Variants in KIAA1549L observed in about 807,000 individuals in gnomAD.
KIAA1549L encodes KIAA1549 like, also known as UPF0606 protein KIAA1549L.
In KIAA1549L, 88 loss-of-function variants were observed where a neutral mutation model predicts 160.7. The observed-to-expected ratio is 0.55, with a 90% CI of 0.46 to 0.65. The LOEUF (loss-of-function observed/expected upper bound fraction) is 0.65, where lower values mean the gene tolerates loss of function less well. Among genes scored for constraint, KIAA1549L ranks in the 30% least tolerant of loss-of-function variants. KIAA1549L has a pLI of 0.00. For synonymous variants in KIAA1549L, 950 were observed against 976.7 expected (o/e 0.97, Z 0.51); for missense variants, 2,258 against 2,437.5 (o/e 0.93, Z 1.55).
rs1265740626 is a variant in KIAA1549L, at chr11:33,668,991, C to T, written c.*837C>T. Reference sequence around the variant, plus strand: ...TTCTTTGCCTTGTTTTGAAGGTGGCCTGAGAATGGAGCTTCTCTTTTTCTT... The same window carrying T: ...TTCTTTGCCTTGTTTTGAAGGTGGCTTGAGAATGGAGCTTCTCTTTTTCTT... On this transcript the variant is annotated 3_prime_UTR_variant, in exon 21 of 21. Transcript: ENST00000658780. The T allele has an allele frequency of 4.6e-5, 7 of 152,152 alleles. No individual in the cohort carries two copies. In the East Asian group the frequency reaches 1.3e-3, roughly 29 times the overall value. The allele number at this position is 152,152 out of a possible 1,614,324, so 9.4% of individuals were successfully genotyped here.
In KIAA1549L at chr11:33,656,065, C is replaced by A. The variant is rs761464713; in HGVS notation, c.5814C>A (p.Pro1938=). ...TGGTCATGGGCTCACCGCCTCCACC[C>A]GTACCTCCCCGGACTGGTCCTGTGG... ...PEMVMGSPPP[P]VPPRTGPVAV... The change falls in exon 18 of 21, where the codon CCC becomes CCA. Residue 1938 remains proline (P), a synonymous_variant. Transcript: ENST00000658780. 2.5e-6 allele frequency: 4 copies of A among 1,613,900 alleles called. No homozygotes were observed. Among genetic ancestry groups the A allele is most frequent in the Non-Finnish European group, 3.4e-6 (4 of 1,179,810 alleles).
chr11:33,453,938 A>T (rs546405561), intron 1 of KIAA1549L, among the ~76,000 whole-genome samples: 1 of 152,340 alleles, frequency 6.6e-6, no homozygotes, highest in South Asian at 2.1e-4. Context: ...TACAAATAAG[A>T]ATAAGCATAT....
intron 8 of KIAA1549L, among the ~76,000 whole-genome samples, chr11:33,564,384 A>T (rs1002606701): frequency 6.6e-6 from 1 of 152,208 alleles, no homozygotes; most frequent in Admixed American, 6.5e-5. Flanking sequence ...TAAAAGCCTG[A>T]CATGTTTTCA....
At chr11:33,404,115 T>C (rs1850595621) in intron 1 of KIAA1549L, among the ~76,000 whole-genome samples, 1 of 152,194 alleles carries the variant, frequency 6.6e-6, no homozygotes, top group African/African-American at 2.4e-5. Flanking sequence ...GAAGTTAATA[T>C]TTGCAGAATC....
At chr11:33,407,661 A>G (rs1459692099) in intron 1 of KIAA1549L, among the ~76,000 whole-genome samples, 1 of 152,002 alleles carries the variant, frequency 6.6e-6, no homozygotes, top group Non-Finnish European at 1.5e-5. Context: ...AATCCTTTTA[A>G]TTCCTTCAAA....
chr11:33,412,102 G>T (rs1271042688), intron 1 of KIAA1549L, among the ~76,000 whole-genome samples: 2 of 152,178 alleles, frequency 1.3e-5, no homozygotes, highest in Non-Finnish European at 2.9e-5. Flanking sequence ...AGTGTTTAAA[G>T]GTCAGAGTAG....
intron 6 of KIAA1549L, among the ~76,000 whole-genome samples, chr11:33,555,337 G>A (rs11032294): frequency 0.27 from 40,761 of 151,988 alleles, 5,844 homozygotes; most frequent in Middle Eastern, 0.44. Context: ...AATCTCAAGG[G>A]GCTTTGAGTA....
chr11:33,541,094 C>A (rs1180487973), intron 1 of KIAA1549L, among the ~76,000 whole-genome samples: 1 of 152,224 alleles, frequency 6.6e-6, no homozygotes, highest in Non-Finnish European at 1.5e-5. Flanking sequence ...AGGTCACCAG[C>A]TTATGCCCTG....
intron 1 of KIAA1549L, among the ~76,000 whole-genome samples, chr11:33,540,608 G>A (rs934007881): frequency 6.6e-6 from 1 of 152,220 alleles, no homozygotes; most frequent in Non-Finnish European, 1.5e-5. Flanking sequence ...TGGTAACATA[G>A]AAACACAATT....
intron 1 of KIAA1549L, among the ~76,000 whole-genome samples, chr11:33,451,268 T>G (rs1851715196): frequency 6.6e-6 from 1 of 152,172 alleles, no homozygotes; most frequent in Admixed American, 6.5e-5. Context: ...CCTGGGTGAA[T>G]TTATTGTCCT....
chr11:33,655,927 G>A (rs2133432475), intron 17 of KIAA1549L, 85 bp from the exon 18 acceptor site: 1 of 889,682 alleles, frequency 1.1e-6, no homozygotes, highest in Non-Finnish European at 1.9e-6. Context: ...TTGGAAGTTT[G>A]CTTCCTCCTC....
At chr11:33,607,509 T>C (rs1291803990) in intron 14 of KIAA1549L, among the ~76,000 whole-genome samples, 1 of 152,218 alleles carries the variant, frequency 6.6e-6, no homozygotes, top group Non-Finnish European at 1.5e-5. Context: ...ATTGCAAATG[T>C]TTATGAACTT....
At position 33,435,824 on chromosome 11, in the gene KIAA1549L, A is replaced by ATATG. The variant is rs1462132567; in HGVS notation, c.238+58938_238+58939insGTAT. On this transcript the variant is annotated intron_variant, in intron 1 of 20. Transcript: ENST00000658780. ...TATATATATATATGTGTGTGTATATATATATATGTATATGTATATGTGTGT... is the reference window on the plus strand; with the variant it reads ...TATATATATATATGTGTGTGTATATATATGTATATATGTATATGTATATGTGTGT... Among the ~76,000 whole-genome samples the ATATG allele has an allele frequency of 1.6e-4, 9 of 56,976 alleles. 2 individuals carry two copies. The East Asian group carries it at 2.0e-3, about 12-fold the overall frequency. 37.4% of individuals were successfully genotyped at this position (56,976 alleles called of 152,430 possible).
intron 1 of KIAA1549L, among the ~76,000 whole-genome samples, chr11:33,504,162 GA>G (rs1853022472): frequency 1.3e-5 from 2 of 152,126 alleles, no homozygotes; most frequent in African/African-American, 4.8e-5. Flanking sequence ...TCGGGAGGCT[GA>G]GGCAGGAGAA....
At chr11:33,609,478 C>T (rs1435785981) in intron 14 of KIAA1549L, among the ~76,000 whole-genome samples, 1 of 152,202 alleles carries the variant, frequency 6.6e-6, no homozygotes, top group African/African-American at 2.4e-5. Flanking sequence ...CGGAGTCAGG[C>T]CTAGGCCTGA....
intron 16 of KIAA1549L, among the ~76,000 whole-genome samples, chr11:33,628,863 G>T (rs1851193583): frequency 6.6e-6 from 1 of 151,652 alleles, no homozygotes; most frequent in South Asian, 2.1e-4. Context: ...GTTAGTTCAT[G>T]CAGTTTCTTC....
chr11:33,481,056 T>C (rs1183635186), intron 1 of KIAA1549L, among the ~76,000 whole-genome samples: 1 of 152,266 alleles, frequency 6.6e-6, no homozygotes, highest in Non-Finnish European at 1.5e-5. Flanking sequence ...AAAGTTGCTT[T>C]GGCTTGTTTT....
Position 33,667,987 on chromosome 11 carries a change from C to T in KIAA1549L, c.6274C>T (p.Gln2092Ter), listed in dbSNP as rs1308400056. 6.2e-7 allele frequency: 1 copy of T among 1,613,954 alleles called. No individual in the cohort carries two copies. Among genetic ancestry groups the T allele is most frequent in the Non-Finnish European group, 8.5e-7 (1 of 1,179,910 alleles). ...QPANLHPSLEQAPAPSTAASQ... is the reference protein window; with the variant it reads ...QPANLHPSLE ...AGCCAACCTGCACCCCAGCCTGGAG[C>T]AGGCCCCGGCGCCCTCCACAGCGGC... The change falls in exon 21 of 21, where the codon CAG (glutamine) becomes TAG (stop). Residue 2092 changes from glutamine to a stop codon, truncating the protein, a stop_gained. Coordinates refer to ENST00000658780, the MANE Select transcript of KIAA1549L (RefSeq NM_012194.3). LOFTEE classifies it high-confidence loss of function.
intron 15 of KIAA1549L, among the ~76,000 whole-genome samples, chr11:33,617,708 C>A (rs1850849748): frequency 6.6e-6 from 1 of 152,176 alleles, no homozygotes; most frequent in East Asian, 1.9e-4. Context: ...GGGCCATAAT[C>A]TGTTTTGTTC....
Sources: allele counts gnomAD v4.1 joint callset (sites outside exome capture counted in the v4.1 genomes callset), GRCh38; gene constraint gnomAD v4.1.1; transcripts MANE v1.5; gene names NCBI Gene and HGNC (gene_info 2026-07-23, HGNC 2026-07-21).